Variants in TRPC5 observed in about 807,000 individuals in gnomAD.
The protein encoded by TRPC5 is transient receptor potential cation channel subfamily C member 5, also known as short transient receptor potential channel 5.
In TRPC5, 9 loss-of-function variants were observed where a neutral mutation model predicts 56.5. The ratio of observed to expected loss-of-function variants is 0.16; its 90% CI spans 0.10 to 0.28. TRPC5 has a LOEUF of 0.28. Ranked by LOEUF, TRPC5 falls within the 10% of genes least tolerant of loss-of-function variation. TRPC5 has a pLI of 1.00. For synonymous variants in TRPC5, 282 were observed against 278.5 expected, an observed-to-expected ratio of 1.01 and a Z score of -0.13; for missense variants, 469 against 748.9, an observed-to-expected ratio of 0.63 and a Z score of 4.36.
At position 112,029,897 on chromosome X, in the gene TRPC5, G is replaced by A. The variant is rs180785691; in HGVS notation, c.-22+51982C>T. ...GACTGGAGTGCAATGGCGCGATCTC[G>A]ACTCACCGCAACCTCTGCCTCCCGG... On this transcript the variant is annotated intron_variant, in intron 1 of 10. Transcript: ENST00000262839. Among the ~76,000 whole-genome samples, 798 of 107,825 alleles carry A rather than the reference G, an allele frequency of 7.4e-3. 5 individuals are homozygous for A. Among genetic ancestry groups the A allele is most frequent in the African/African-American group, 0.026 (760 of 29,293 alleles). 93.6% of individuals were successfully genotyped at this position (107,825 alleles called of 115,157 possible).
chrX:111,892,349 C>T (rs1231318258), intron 3 of TRPC5, among the ~76,000 whole-genome samples: 1 of 112,166 alleles, frequency 8.9e-6, no homozygotes, highest in African/African-American at 3.2e-5. Flanking sequence ...CCTTTATTAT[C>T]TTGTCTCAAT....
intron 7 of TRPC5, among the ~76,000 whole-genome samples, chrX:111,815,258 G>C (rs1282205133): frequency 9.0e-6 from 1 of 111,403 alleles, no homozygotes; most frequent in Non-Finnish European, 1.9e-5. Flanking sequence ...GACTGACCTA[G>C]GGTGCTTGTC....
chrX:112,016,787 T>C (rs1300313801), intron 1 of TRPC5, among the ~76,000 whole-genome samples: 2 of 111,355 alleles, frequency 1.8e-5, no homozygotes, highest in Non-Finnish European at 3.8e-5. Context: ...CTCCTTGGGT[T>C]TGAATCCCAA....
At chrX:111,852,190 G>T in intron 5 of TRPC5, 108 bp downstream of exon 5, 1 of 745,870 alleles carries the variant, frequency 1.3e-6, no homozygotes, top group South Asian at 3.0e-5. Flanking sequence ...CACATGGATT[G>T]AGCCATCATC....
intron 2 of TRPC5, among the ~76,000 whole-genome samples, chrX:111,926,093 C>A (rs754352266): frequency 8.9e-6 from 1 of 112,052 alleles, no homozygotes; most frequent in Admixed American, 9.5e-5. Context: ...GGGTTCTGGG[C>A]ATGAGGCTTT....
rs140570869 is a variant in TRPC5 at position 111,826,534 on chromosome X, G to A, written c.1896+8387C>T. On this transcript the variant is annotated intron_variant, in intron 7 of 10. Transcript: ENST00000262839. ...TCACAAGCTGAGATGAGAAAAATAC[G>A]TAGATTGCCTGAGGGCATCCCAAAG... Among the ~76,000 whole-genome samples the A allele has an allele frequency of 5.3e-5, 6 of 112,551 alleles. No individual in the cohort carries two copies. In the East Asian group the frequency reaches 8.4e-4, roughly 16 times the overall value.
chrX:111,944,294 GTGTGTGTGT>G (rs1401698611), intron 2 of TRPC5, among the ~76,000 whole-genome samples: 1 of 88,538 alleles, frequency 1.1e-5, no homozygotes, highest in African/African-American at 5.3e-5. Context: ...GTGTGTGTGT[GTGTGTGTGT>G]GAGAGAGAGA....
intron 2 of TRPC5, among the ~76,000 whole-genome samples, chrX:111,924,659 T>G (rs1028499213): frequency 2.7e-5 from 3 of 112,523 alleles, no homozygotes; most frequent in Non-Finnish European, 5.6e-5. Flanking sequence ...ATGATACAAT[T>G]GGAGGATAAG....
intron 3 of TRPC5, among the ~76,000 whole-genome samples, chrX:111,891,729 T>C (rs1245568983): frequency 9.1e-6 from 1 of 110,460 alleles, no homozygotes; most frequent in African/African-American, 3.3e-5. Context: ...TTTGTAGTTT[T>C]GTAGAGACGG....
chrX:111,929,709 T>C (rs1194750583), intron 2 of TRPC5, among the ~76,000 whole-genome samples: 2 of 112,387 alleles, frequency 1.8e-5, no homozygotes, highest in Non-Finnish European at 3.8e-5. Flanking sequence ...TTTAGAAGAA[T>C]TTCAAAATAT....
chrX:112,008,308 AT>A (rs1928894514), intron 1 of TRPC5, among the ~76,000 whole-genome samples: 1 of 111,851 alleles, frequency 8.9e-6, no homozygotes, highest in South Asian at 3.7e-4. Context: ...AGAGAAGGTG[AT>A]GGCTGGGCGC....
At chrX:111,919,750 T>C (rs1222681791) in intron 2 of TRPC5, among the ~76,000 whole-genome samples, 1 of 111,411 alleles carries the variant, frequency 9.0e-6, no homozygotes, top group African/African-American at 3.3e-5. Context: ...AGAAGAAGAA[T>C]TGCCTTGGGC....
At chrX:112,016,724 T>A (rs1198252238) in intron 1 of TRPC5, among the ~76,000 whole-genome samples, 1 of 111,954 alleles carries the variant, frequency 8.9e-6, no homozygotes, top group East Asian at 2.8e-4. Flanking sequence ...TGTGCATGTG[T>A]GTGTAGAGGG....
intron 3 of TRPC5, among the ~76,000 whole-genome samples, chrX:111,904,146 C>G (rs139594382): frequency 1.5e-3 from 171 of 111,758 alleles, no homozygotes; most frequent in African/African-American, 4.9e-3. Flanking sequence ...TGATCTTAAG[C>G]AAATCTCTAA....
Position 111,804,327 on chromosome X carries a change from A to C in TRPC5, c.1897-22189T>G, listed in dbSNP as rs183125346. Reference sequence around the variant, plus strand: ...TCTTTTGGCTTAGGATTGACTTGGCAATGCTGGCTCTTTTTTGGTTCCATA... The same window carrying C: ...TCTTTTGGCTTAGGATTGACTTGGCCATGCTGGCTCTTTTTTGGTTCCATA... On this transcript the variant is annotated intron_variant, in intron 7 of 10. Transcript: ENST00000262839. 2.7e-5 allele frequency among the ~76,000 whole-genome samples: 3 copies of C among 111,895 alleles called. No individual in the cohort carries two copies. In the Admixed American group the frequency reaches 2.8e-4, roughly 11 times the overall value.
chrX:112,015,326 T>A (rs759576497), intron 1 of TRPC5, among the ~76,000 whole-genome samples: 37 of 111,814 alleles, frequency 3.3e-4, no homozygotes, highest in African/African-American at 1.2e-3. Context: ...TCATGCAGAT[T>A]TTCCCCCTCT....
chrX:111,942,890 C>T (rs1049364489), intron 2 of TRPC5, among the ~76,000 whole-genome samples: 6 of 111,544 alleles, frequency 5.4e-5, no homozygotes, highest in African/African-American at 9.8e-5. Flanking sequence ...TTCCCAAGGT[C>T]GTTCAGTCTG....
At chrX:111,799,375 C>CAAA (rs924507032) in intron 7 of TRPC5, among the ~76,000 whole-genome samples, 2 of 111,265 alleles carry the variant, frequency 1.8e-5, no homozygotes, top group Non-Finnish European at 3.8e-5. Context: ...TTTTAAAGAT[C>CAAA]TTTTGATATT....
chrX:111,966,360 C>G (rs1276226023), intron 1 of TRPC5, among the ~76,000 whole-genome samples: 8 of 111,383 alleles, frequency 7.2e-5, no homozygotes, highest in Non-Finnish European at 1.5e-4. Flanking sequence ...CAAAAAGAGT[C>G]CAGGACCAGA....
Sources: allele counts gnomAD v4.1 joint callset (sites outside exome capture counted in the v4.1 genomes callset), GRCh38; gene constraint gnomAD v4.1.1; transcripts MANE v1.5; gene names NCBI Gene and HGNC (gene_info 2026-07-23, HGNC 2026-07-21).